CAMK2D: variants seen among roughly 807,000 people sequenced by gnomAD.
CAMK2D encodes calcium/calmodulin-dependent protein kinase type II subunit delta.
Under a neutral mutation model 84.0 loss-of-function variants are expected in CAMK2D, and 37 were observed. The ratio of observed to expected loss-of-function variants is 0.44; its 90% CI spans 0.34 to 0.58. The LOEUF is 0.58. Among genes scored for constraint, CAMK2D ranks in the 20% least tolerant of loss-of-function variants. CAMK2D has a pLI of 0.02. For synonymous variants in CAMK2D, 202 were observed against 212.5 expected, an observed-to-expected ratio of 0.95 and a Z score of 0.43; for missense variants, 448 against 652.5, an observed-to-expected ratio of 0.69 and a Z score of 3.41.
intron 16 of CAMK2D, among the ~76,000 whole-genome samples, chr4:113,491,680 CTT>C (rs2154139184): frequency 6.6e-6 from 1 of 152,312 alleles, no homozygotes; most frequent in Admixed American, 6.5e-5. Flanking sequence ...AGGATTCCCT[CTT>C]TTTCTATTGA....
At chr4:113,615,719 ATATAGACAGG>A (rs1319370963) in intron 3 of CAMK2D, among the ~76,000 whole-genome samples, 1 of 152,142 alleles carries the variant, frequency 6.6e-6, no homozygotes, top group Non-Finnish European at 1.5e-5. Flanking sequence ...CTGAATAGAA[ATATAGACAGG>A]TATAGATACA....
At chr4:113,512,364 T>A (rs1300706012) in intron 12 of CAMK2D, among the ~76,000 whole-genome samples, 3 of 152,238 alleles carry the variant, frequency 2.0e-5, no homozygotes, top group Non-Finnish European at 4.4e-5. Flanking sequence ...TTGGCTTCTT[T>A]AAGCCTATTA....
chr4:113,554,685 TTAACA>T (rs1358159458), intron 4 of CAMK2D, among the ~76,000 whole-genome samples: 2 of 152,156 alleles, frequency 1.3e-5, no homozygotes, highest in Non-Finnish European at 2.9e-5. Context: ...TTTTCTAACT[TTAACA>T]TATTTTTATA....
At chr4:113,462,280 GTGTGTGTGTGTGTGTC>G (rs61152658) in intron 17 of CAMK2D, among the ~76,000 whole-genome samples, 2,803 of 87,480 alleles carry the variant, frequency 0.032, 26 homozygotes, top group African/African-American at 0.052. Context: ...GTGTGTGTGT[GTGTGTGTGTGTGTGTC>G]TGTCTGTCTG....
intron 2 of CAMK2D, among the ~76,000 whole-genome samples, chr4:113,692,684 A>T (rs1262962508): frequency 3.3e-5 from 5 of 151,896 alleles, no homozygotes; most frequent in African/African-American, 1.2e-4. Flanking sequence ...ACATACTCAT[A>T]CATACATACA....
intron 16 of CAMK2D, among the ~76,000 whole-genome samples, chr4:113,479,932 A>G (rs1359802056): frequency 6.6e-6 from 1 of 152,108 alleles, no homozygotes; most frequent in Non-Finnish European, 1.5e-5. Flanking sequence ...TTACTTTTGT[A>G]GGTAAAAAAT....
At chr4:113,661,942 A>G (rs1255307067) in intron 2 of CAMK2D, among the ~76,000 whole-genome samples, 170 bp from the exon 3 acceptor site, 2 of 152,166 alleles carry the variant, frequency 1.3e-5, no homozygotes, top group African/African-American at 2.4e-5. Context: ...TAGTTCAACA[A>G]TCTAATTTTA....
intron 12 of CAMK2D, 117 bp from the exon 13 acceptor site, chr4:113,509,792 A>C: frequency 1.4e-6 from 1 of 702,698 alleles, no homozygotes; most frequent in Non-Finnish European, 2.5e-6. Flanking sequence ...TGGCCAACAT[A>C]TGGCAAGTTA....
intron 4 of CAMK2D, among the ~76,000 whole-genome samples, chr4:113,580,810 T>G (rs1591502970): frequency 6.6e-6 from 1 of 152,050 alleles, no homozygotes; most frequent in East Asian, 1.9e-4. Context: ...ATTTAAGCAC[T>G]TAATTCAAGT....
intron 3 of CAMK2D, among the ~76,000 whole-genome samples, chr4:113,622,114 C>A (rs563914169): frequency 6.6e-6 from 1 of 152,192 alleles, no homozygotes; most frequent in African/African-American, 2.4e-5. Flanking sequence ...GGTAAACAAC[C>A]ATTTAACATC....
At chr4:113,560,568 T>C (rs1176136717) in intron 4 of CAMK2D, among the ~76,000 whole-genome samples, 1 of 152,184 alleles carries the variant, frequency 6.6e-6, no homozygotes, top group African/African-American at 2.4e-5. Flanking sequence ...TGTATACTTG[T>C]AAGTAAAAAA....
rs967927383 is a variant in CAMK2D at position 113,761,577 on chromosome 4, A to G, written c.-509T>C. 2 of 985,084 alleles carry G rather than the reference A, an allele frequency of 2.0e-6. No homozygotes were observed. Among genetic ancestry groups the G allele is most frequent in the Non-Finnish European group, 1.2e-6 (1 of 829,792 alleles). 61.0% of individuals were successfully genotyped at this position (985,084 alleles called of 1,614,324 possible). On this transcript the variant is annotated 5_prime_UTR_variant, in exon 1 of 21. Coordinates refer to ENST00000511664, the MANE Select transcript of CAMK2D (RefSeq NM_001321571.2). ...CAGCCTGAGCCCAGCGGCCGCTGTC[A>G]GCAGGCTCAGGCGCGGGGCGCGCCG...
At chr4:113,708,491 T>G (rs114364059) in intron 2 of CAMK2D, among the ~76,000 whole-genome samples, 7 of 152,312 alleles carry the variant, frequency 4.6e-5, no homozygotes, top group African/African-American at 1.7e-4. Context: ...GGTAACTAAC[T>G]GGGCTCACCT....
At chr4:113,500,368 A>G (rs2098018717) in intron 16 of CAMK2D, 95 bp downstream of exon 16, 2 of 625,154 alleles carry the variant, frequency 3.2e-6, no homozygotes, top group African/African-American at 3.7e-5. Context: ...GGATAGGCCT[A>G]CTTCCTAAAC....
chr4:113,756,567 A>G (rs1360435086), intron 2 of CAMK2D, among the ~76,000 whole-genome samples: 1 of 152,100 alleles, frequency 6.6e-6, no homozygotes, highest in Non-Finnish European at 1.5e-5. Context: ...TTTTTCTGCA[A>G]AAATGATTTG....
intron 4 of CAMK2D, among the ~76,000 whole-genome samples, chr4:113,562,408 T>A (rs766683290): frequency 1.3e-5 from 2 of 152,250 alleles, no homozygotes; most frequent in Non-Finnish European, 2.9e-5. Flanking sequence ...GTCTAGATCA[T>A]TCAAATTATT....
intron 4 of CAMK2D, among the ~76,000 whole-genome samples, chr4:113,562,230 G>A (rs1325481756): frequency 6.6e-6 from 1 of 152,130 alleles, no homozygotes; most frequent in Non-Finnish European, 1.5e-5. Context: ...AGGTGATAAA[G>A]TCTTATTTGA....
intron 8 of CAMK2D, among the ~76,000 whole-genome samples, chr4:113,519,971 T>C (rs552117347): frequency 6.6e-6 from 1 of 152,330 alleles, no homozygotes; most frequent in African/African-American, 2.4e-5. Context: ...AATGATAATA[T>C]AAAATTTAAA....
At chr4:113,463,083 C>T (rs1264421580) in intron 17 of CAMK2D, among the ~76,000 whole-genome samples, 1 of 152,124 alleles carries the variant, frequency 6.6e-6, no homozygotes, top group African/African-American at 2.4e-5. Context: ...AGAATGGATA[C>T]ACTCATACAT....
Sources: allele counts gnomAD v4.1 joint callset (sites outside exome capture counted in the v4.1 genomes callset), GRCh38; gene constraint gnomAD v4.1.1; transcripts MANE v1.5; gene names NCBI Gene and HGNC (gene_info 2026-07-23, HGNC 2026-07-21).